Variants in MCTP1 observed in about 807,000 individuals in gnomAD.
MCTP1 encodes multiple C2 and transmembrane domain containing 1.
MCTP1 carries 69 observed loss-of-function variants against 120.6 expected under a neutral mutation model. That is an observed-to-expected ratio of 0.57 (90% CI 0.47 to 0.70). The LOEUF (loss-of-function observed/expected upper bound fraction) is 0.70. Among genes scored for constraint, MCTP1 ranks in the 30% least tolerant of loss-of-function variants. The probability of loss-of-function intolerance (pLI) is 0.00; values close to 1 mark genes in which losing one functional copy is unlikely to be tolerated. For missense variants in MCTP1, 1,203 were observed against 1,248.8 expected (o/e 0.96, Z 0.55); for synonymous variants, 529 against 493.1 (o/e 1.07, Z -0.96).
intron 12 of MCTP1, among the ~76,000 whole-genome samples, chr5:94,874,723 T>C (rs996588286): frequency 6.6e-6 from 1 of 152,150 alleles, no homozygotes; most frequent in Non-Finnish European, 1.5e-5. Context: ...CCATGGAAGA[T>C]AGTGTTCAAA....
In MCTP1 at chr5:95,283,998, A is replaced by G; in HGVS notation, c.578T>C (p.Leu193Ser). The part of the protein sequence containing the change: ...GARRQGPGAH[L>S]CHQKSSSLPG... ...CAGAGAGGAGCTCTTCTGGTGGCAC[A>G]AGTGCGCCCCGGGGCCCTGACGCCG... Residue 193 changes from leucine (L) to serine (S), a missense_variant, in exon 1 of 23, where the codon TTG (leucine) becomes TCG (serine). Physicochemically the swap from Leu to Ser is moderately radical, Grantham distance 145. Coordinates refer to ENST00000515393, the MANE Select transcript of MCTP1 (RefSeq NM_024717.7). 6.8e-7 allele frequency: 1 copy of G among 1,469,592 alleles called. No homozygotes were observed. The highest frequency in any genetic ancestry group is 9.0e-7 in the Non-Finnish European group (1 of 1,114,232). The allele number at this position is 1,469,592 out of a possible 1,614,324, so 91.0% of individuals were successfully genotyped here. A position where few individuals can be genotyped will look rare whatever the true frequency, so the allele number is the denominator to read the frequency against.
chr5:95,001,281 A>G (rs113712293), intron 2 of MCTP1, among the ~76,000 whole-genome samples: 1,598 of 152,278 alleles, frequency 0.01, 33 homozygotes, highest in African/African-American at 0.037. Flanking sequence ...GTAAATTGGT[A>G]CCAGGAGGAG....
At position 95,050,199 on chromosome 5, in the gene MCTP1, T is replaced by TA. The variant is rs60365234; in HGVS notation, c.721-32716dup. Reference sequence around the variant, plus strand: ...GGTAGGTGCTACAGATTCAGAAAATTAAAAAAAAAAATTAAACCACAGAAT... The same window carrying TA: ...GGTAGGTGCTACAGATTCAGAAAATTAAAAAAAAAAAATTAAACCACAGAAT... On this transcript the variant is annotated intron_variant, in intron 1 of 22. Transcript: ENST00000515393. Among the ~76,000 whole-genome samples the TA allele has an allele frequency of 4.3e-3, 635 of 148,656 alleles. 4 individuals are homozygous for TA. Among genetic ancestry groups the TA allele is most frequent in the Non-Finnish European group, 5.6e-3 (375 of 66,910 alleles).
At chr5:94,752,237 A>G (rs7711390) in intron 19 of MCTP1, among the ~76,000 whole-genome samples, 133,165 of 148,474 alleles carry the variant, frequency 0.9, 60,005 homozygotes, top group African/African-American at 0.95. Flanking sequence ...GAGCGCTTGT[A>G]ACTGGATTTT....
chr5:95,005,701 G>A (rs1382523156), intron 2 of MCTP1, among the ~76,000 whole-genome samples: 1 of 151,648 alleles, frequency 6.6e-6, no homozygotes, highest in Non-Finnish European at 1.5e-5. Context: ...ATTTCCTGAG[G>A]CCTCCTCAGA....
chr5:95,093,056 C>G (rs926895814), intron 1 of MCTP1, among the ~76,000 whole-genome samples: 2 of 152,160 alleles, frequency 1.3e-5, no homozygotes, highest in African/African-American at 4.8e-5. Context: ...AATTGTTTTG[C>G]TATAAGAAAC....
intron 1 of MCTP1, among the ~76,000 whole-genome samples, chr5:95,252,106 A>G (rs1003331051): frequency 2.3e-4 from 35 of 152,152 alleles, no homozygotes; most frequent in Non-Finnish European, 1.0e-4. Context: ...CAACCCATAC[A>G]TACATGTTCT....
chr5:94,707,534 G>A lies in MCTP1; in HGVS notation c.2962C>T (p.His988Tyr), dbSNP rs1754963692. ...TTTTTCTTTCTTTTATATGGGCTAT[G>A]AGAAGGATCTGGTTTCAGTTCTTGG... ...QYQELKPDPS[H>Y]SPYKRKKNNL... is the part of the protein sequence containing the mutation. The change falls in exon 23 of 23, where the codon CAT (histidine) becomes TAT (tyrosine). Residue 988 changes from histidine to tyrosine, a missense_variant. This residue lies in a region of MCTP1 where 740 missense variants were observed against 871.1 expected (regional missense o/e 0.85). Transcript: ENST00000515393. 15 of 1,612,020 alleles carry A rather than the reference G, an allele frequency of 9.3e-6. No homozygotes were observed. The highest frequency in any genetic ancestry group is 1.2e-5 in the Non-Finnish European group (14 of 1,178,590).
chr5:95,121,979 C>A (rs1334906401), intron 1 of MCTP1, among the ~76,000 whole-genome samples: 1 of 149,476 alleles, frequency 6.7e-6, no homozygotes, highest in Admixed American at 6.6e-5. Flanking sequence ...CTATCTCTCA[C>A]CATATATAAA....
chr5:95,017,193 G>A (rs556134169), intron 2 of MCTP1, among the ~76,000 whole-genome samples, 174 bp downstream of exon 2: 1 of 152,092 alleles, frequency 6.6e-6, no homozygotes, highest in Non-Finnish European at 1.5e-5. Context: ...GCATCAAAAC[G>A]TCTTCCACCA....
At chr5:95,037,826 C>T (rs186541301) in intron 1 of MCTP1, among the ~76,000 whole-genome samples, 3 of 152,212 alleles carry the variant, frequency 2.0e-5, no homozygotes, top group South Asian at 2.1e-4. Flanking sequence ...GCAGAGTTCA[C>T]GCCATTGCAC....
chr5:94,843,727 C>T (rs1791649491), intron 17 of MCTP1, among the ~76,000 whole-genome samples: 1 of 152,012 alleles, frequency 6.6e-6, no homozygotes, highest in Non-Finnish European at 1.5e-5. Context: ...GCTAAAGACA[C>T]AAAAGTTCAG....
At chr5:95,058,698 G>T (rs1001235604) in intron 1 of MCTP1, among the ~76,000 whole-genome samples, 4 of 152,162 alleles carry the variant, frequency 2.6e-5, no homozygotes, top group Non-Finnish European at 5.9e-5. Context: ...AGGGAAAATT[G>T]TGAGAATTTT....
intron 1 of MCTP1, among the ~76,000 whole-genome samples, chr5:95,055,716 C>T (rs1457611345): frequency 2.0e-5 from 3 of 152,130 alleles, no homozygotes; most frequent in Non-Finnish European, 4.4e-5. Flanking sequence ...CAGATCTTGC[C>T]TGTGTTGCAT....
At chr5:94,836,107 G>A (rs1403152740) in intron 17 of MCTP1, among the ~76,000 whole-genome samples, 10 of 148,256 alleles carry the variant, frequency 6.7e-5, no homozygotes, top group Non-Finnish European at 1.5e-4. Flanking sequence ...TTGAACCCAG[G>A]AGGCGGAGGT....
In MCTP1 at chr5:94,763,477, A is replaced by C. The variant is rs933877902; in HGVS notation, c.2610+15633T>G. Among the ~76,000 whole-genome samples, 69 of 152,232 alleles carry C rather than the reference A, an allele frequency of 4.5e-4. 2 individuals are homozygous for C. Among genetic ancestry groups the C allele is most frequent in the Non-Finnish European group, 1.0e-4 (7 of 68,044 alleles). Reference sequence around the variant, plus strand: ...TCATTTATCCTTCAACACCCAAATTAAATGTCAGTTCCTTTGTGGAACATT... The same window carrying C: ...TCATTTATCCTTCAACACCCAAATTCAATGTCAGTTCCTTTGTGGAACATT... On this transcript the variant is annotated intron_variant, in intron 19 of 22. Transcript: ENST00000515393.
At chr5:94,985,364 A>C (rs1830263481) in intron 2 of MCTP1, among the ~76,000 whole-genome samples, 1 of 152,200 alleles carries the variant, frequency 6.6e-6, no homozygotes, top group Non-Finnish European at 1.5e-5. Context: ...TCGTTATTTA[A>C]ATTTTCATTT....
At chr5:94,865,410 C>T (rs1247287221) in intron 17 of MCTP1, among the ~76,000 whole-genome samples, 4 of 151,732 alleles carry the variant, frequency 2.6e-5, no homozygotes, top group African/African-American at 9.7e-5. Flanking sequence ...TAAAACCAAG[C>T]CACATAATGA....
intron 19 of MCTP1, among the ~76,000 whole-genome samples, chr5:94,753,658 G>A (rs950602981): frequency 1.3e-5 from 2 of 152,144 alleles, no homozygotes; most frequent in African/African-American, 4.8e-5. Flanking sequence ...AAAATATAGT[G>A]TTCATTCAAT....
Sources: allele counts gnomAD v4.1 joint callset (sites outside exome capture counted in the v4.1 genomes callset), GRCh38; gene constraint gnomAD v4.1.1; regional missense constraint gnomAD v4.1.1; transcripts MANE v1.5; gene names NCBI Gene and HGNC (gene_info 2026-07-23, HGNC 2026-07-21).